Variants in EPHX2 observed in about 807,000 individuals in gnomAD.
The protein encoded by EPHX2 is bifunctional epoxide hydrolase 2.
Under a neutral mutation model 78.7 loss-of-function variants are expected in EPHX2, and 74 were observed. The ratio of observed to expected loss-of-function variants is 0.94; its 90% CI spans 0.78 to 1.14. The LOEUF is 1.14. Among genes scored for constraint, EPHX2 ranks in the 50% most tolerant of loss-of-function variants. The pLI is 0.00. For synonymous variants in EPHX2, 251 were observed against 255.2 expected (o/e 0.98, Z 0.16); for missense variants, 715 against 702.5 (o/e 1.02, Z -0.20).
Position 27,520,893 on chromosome 8 carries a change from C to G in EPHX2, c.956C>G (p.Thr319Ser), listed in dbSNP as rs1814621951. Reference sequence around the variant, plus strand: ...TGTCTTCTTCCTTAGGAGATGGTAACCTTCCTGGATAAACTGGTAAGTCAT... The same window carrying G: ...TGTCTTCTTCCTTAGGAGATGGTAAGCTTCCTGGATAAACTGGTAAGTCAT... Reference protein sequence around the residue: ...CMEVLCKEMVTFLDKLGLSQA... With the variant: ...CMEVLCKEMVSFLDKLGLSQA... The change falls in exon 10 of 19, where the codon ACC becomes AGC. Residue 319 changes from threonine (T) to serine (S), a missense_variant. By Grantham distance (58) the Thr-to-Ser change is moderately conservative (BLOSUM62 1). Transcript: ENST00000521400. The G allele has an allele frequency of 6.2e-7, 1 of 1,614,036 alleles. No homozygotes were observed. The highest frequency in any genetic ancestry group is 8.5e-7 in the Non-Finnish European group (1 of 1,180,042).
At position 27,505,004 on chromosome 8, in the gene EPHX2, A is replaced by T. The variant is rs376426011; in HGVS notation, c.395A>T (p.Glu132Val). ...AACACCTGGCTGGACGACCGTGCTG[A>T]GAGAGATGGCCTGGCCCAGCTGATG... ...LTNTWLDDRA[E>V]RDGLAQLMCE... The change falls in exon 4 of 19, where the codon GAG becomes GTG. Residue 132 changes from glutamate to valine, a missense_variant. Glu to Val is a moderately radical substitution (Grantham distance 121). Transcript: ENST00000521400. 25 of 1,613,990 alleles carry T rather than the reference A, an allele frequency of 1.5e-5. No homozygotes were observed. The African/African-American group carries it at 3.1e-4, about 20-fold the overall frequency.
chr8:27,522,364 C>T (rs1814679236), intron 10 of EPHX2, 59 bp from the exon 11 acceptor site: 1 of 1,576,118 alleles, frequency 6.3e-7, no homozygotes, highest in Admixed American at 1.7e-5. Context: ...GGCCGAACCT[C>T]TCAGCACCCC....
At chr8:27,509,792 G>C (rs41360445) in intron 5 of EPHX2, among the ~76,000 whole-genome samples, 19,189 of 152,240 alleles carry the variant, frequency 0.13, 1,398 homozygotes, top group African/African-American at 0.21. Flanking sequence ...GCCTGCGTCT[G>C]TTTCTCAGAG....
chr8:27,538,972 T>G (rs1815303063), intron 14 of EPHX2: 9 of 448,276 alleles, frequency 2.0e-5, no homozygotes, highest in Non-Finnish European at 3.6e-5. Flanking sequence ...CACCCTCTAC[T>G]GATAAGGACC....
chr8:27,491,566 C>T (rs1813381247), intron 1 of EPHX2, among the ~76,000 whole-genome samples: 1 of 152,332 alleles, frequency 6.6e-6, no homozygotes, highest in African/African-American at 2.4e-5. Flanking sequence ...AGGAGTTACT[C>T]ATGGAGCTTT....
At chr8:27,531,431 G>C (rs1815038746) in intron 12 of EPHX2, among the ~76,000 whole-genome samples, 1 of 152,220 alleles carries the variant, frequency 6.6e-6, no homozygotes, top group Non-Finnish European at 1.5e-5. Context: ...ACAGTTTGCT[G>C]TCTGCCCAGA....
intron 6 of EPHX2, 83 bp from the exon 7 acceptor site, chr8:27,515,635 C>A: frequency 8.7e-7 from 1 of 1,149,944 alleles, no homozygotes; most frequent in Non-Finnish European, 1.3e-6. Flanking sequence ...CTGAAACGGC[C>A]CTGGCATTCT....
chr8:27,524,141 CAGGCTGGTCT>C (rs1320080625), intron 11 of EPHX2, among the ~76,000 whole-genome samples: 9 of 152,230 alleles, frequency 5.9e-5, no homozygotes, highest in African/African-American at 2.2e-4. Context: ...CCACATTGGC[CAGGCTGGTCT>C]AGAACTCCTG....
At position 27,544,504 on chromosome 8, in the gene EPHX2, G is replaced by A. The variant is rs199656145; in HGVS notation, c.1650G>A (p.Pro550=). The A allele has an allele frequency of 1.6e-4, 258 of 1,613,920 alleles. 1 individual carries two copies. In the East Asian group the frequency reaches 4.3e-3, roughly 27 times the overall value. The change falls in exon 19 of 19, where the codon CCG becomes CCA. Residue 550 remains proline (P), a synonymous_variant. Transcript: ENST00000521400. ...TGGATTCTGATGCCCGGAACCCACC[G>A]GTGGTCTCAAAGATGTAGAACGCAG... ...KWLDSDARNP[P]VVSKM
intron 5 of EPHX2, among the ~76,000 whole-genome samples, chr8:27,507,440 G>A (rs68172962): frequency 0.074 from 11,193 of 152,226 alleles, 530 homozygotes; most frequent in Middle Eastern, 0.15. Flanking sequence ...AGGTGGTTGG[G>A]ACAGCCATCA....
At chr8:27,515,917 G>C in intron 7 of EPHX2, 104 bp downstream of exon 7, 2 of 987,518 alleles carry the variant, frequency 2.0e-6, no homozygotes, top group Non-Finnish European at 1.6e-6. Context: ...CCTGACAGTG[G>C]AGCATTGTCT....
chr8:27,532,626 T>C (rs779491518), intron 12 of EPHX2, among the ~76,000 whole-genome samples: 81 of 152,104 alleles, frequency 5.3e-4, no homozygotes, highest in Non-Finnish European at 3.5e-4. Flanking sequence ...TTGCTGGCAA[T>C]TCCTGGTGTT....
At chr8:27,505,295 C>CG in intron 4 of EPHX2, 149 bp downstream of exon 4, 1 of 766,634 alleles carries the variant, frequency 1.3e-6, no homozygotes, top group Non-Finnish European at 2.1e-6. Context: ...TCCTAGAAGA[C>CG]TGTTACCCAT....
At chr8:27,522,685 G>A (rs375662277) in intron 11 of EPHX2, among the ~76,000 whole-genome samples, 177 bp downstream of exon 11, 5 of 151,680 alleles carry the variant, frequency 3.3e-5, no homozygotes, top group African/African-American at 7.3e-5. Flanking sequence ...CTAGCCGGGC[G>A]TGGTGGCTCA....
chr8:27,547,295 G>A (rs1196611972), downstream of EPHX2, among the ~76,000 whole-genome samples: 3 of 152,202 alleles, frequency 2.0e-5, no homozygotes, highest in South Asian at 2.1e-4. Context: ...TGGGCCACAC[G>A]TCAACTGTTG....
chr8:27,515,701 C>T lies in EPHX2; in HGVS notation c.736-17C>T. 6.2e-7 allele frequency: 1 copy of T among 1,612,270 alleles called. No individual in the cohort carries two copies. Among genetic ancestry groups the T allele is most frequent in the Non-Finnish European group, 8.5e-7 (1 of 1,179,038 alleles). Reference sequence around the variant, plus strand: ...CCTGGTGCTTGGTCGCTGCCCTCTCCTCTTTCCCTTCCACAGCCCAGGGTC... The same window carrying T: ...CCTGGTGCTTGGTCGCTGCCCTCTCTTCTTTCCCTTCCACAGCCCAGGGTC... On this transcript the variant is annotated splice_polypyrimidine_tract_variant and intron_variant, in intron 6 of 18. Coordinates refer to ENST00000521400, the MANE Select transcript of EPHX2 (RefSeq NM_001979.6).
Position 27,545,017 on chromosome 8 carries a change from C to T in EPHX2, c.*495C>T, listed in dbSNP as rs1311052948. The T allele has an allele frequency of 6.5e-5, 11 of 168,898 alleles. No homozygotes were observed. Among genetic ancestry groups the T allele is most frequent in the Non-Finnish European group, 5.1e-5 (4 of 77,836 alleles). 10.5% of individuals were successfully genotyped at this position (168,898 alleles called of 1,614,324 possible). A position where few individuals can be genotyped will look rare whatever the true frequency, so the allele number is the denominator to read the frequency against. On this transcript the variant is annotated 3_prime_UTR_variant, in exon 19 of 19. Transcript: ENST00000521400. ...TTTCCCTCTGCTTTTGAGCCCTGTT[C>T]TGGGCTCCAAGGTGCTGTATGATCT... is the stretch of plus-strand genomic sequence containing the variant.
At position 27,503,756 on chromosome 8, in the gene EPHX2, GA is replaced by G; in HGVS notation, c.341del (p.Lys114ArgfsTer26). On this transcript the variant is annotated frameshift_variant, in exon 3 of 19. Transcript: ENST00000521400. LOFTEE classifies it high-confidence loss of function. The part of the protein sequence containing the change: ...PMLQAALMLR[K>X]KGFTTAILTN... The stretch of plus-strand genomic sequence containing the variant: ...TGCTCCAGGCAGCTCTCATGCTCAG[GA>G]AGAAAGGTAAGGATCTGATACTGGC... 1 of 1,611,390 alleles carries G rather than the reference GA, an allele frequency of 6.2e-7. No homozygotes were observed. Among genetic ancestry groups the G allele is most frequent in the Non-Finnish European group, 8.5e-7 (1 of 1,179,886 alleles).
intron 16 of EPHX2, among the ~76,000 whole-genome samples, chr8:27,542,309 A>G (rs1815427572): frequency 6.6e-6 from 1 of 152,176 alleles, no homozygotes; most frequent in Non-Finnish European, 1.5e-5. Flanking sequence ...CAGGCTAGGA[A>G]GCACATGGGC....
Sources: gnomAD v4.1 joint callset for allele counts (sites outside exome capture counted in the v4.1 genomes callset) on GRCh38, gnomAD v4.1.1 for gene constraint, MANE v1.5 for transcripts, NCBI Gene and HGNC (gene_info 2026-07-23, HGNC 2026-07-21) for gene names.